Variants in KIF26B observed in about 807,000 individuals in gnomAD.
KIF26B encodes kinesin family member 26B.
Under a neutral mutation model 151.2 loss-of-function variants are expected in KIF26B, and 63 were observed. The observed-to-expected ratio is 0.42, with a 90% CI of 0.34 to 0.51. The LOEUF is 0.51. Ranked by LOEUF, KIF26B falls within the 20% of genes least tolerant of loss-of-function variation. The pLI, the probability that KIF26B is intolerant of heterozygous loss-of-function variation, is 0.07. For synonymous variants in KIF26B, 1,357 were observed against 1,262.1 expected (o/e 1.08, Z -1.59); for missense variants, 2,813 against 2,913.6 (o/e 0.97, Z 0.79).
intron 10 of KIF26B, among the ~76,000 whole-genome samples, chr1:245,670,834 C>A (rs940125525): frequency 6.6e-6 from 1 of 152,166 alleles, no homozygotes; most frequent in Non-Finnish European, 1.5e-5. Context: ...TCCCCTCAAG[C>A]ATTTATCCTT....
At position 245,611,776 on chromosome 1, in the gene KIF26B, T is replaced by C. The variant is rs753673469; in HGVS notation, c.1915-17T>C. 8 of 1,611,562 alleles carry C rather than the reference T, an allele frequency of 5.0e-6. No homozygotes were observed. Among genetic ancestry groups the C allele is most frequent in the Non-Finnish European group, 5.9e-6 (7 of 1,179,270 alleles). ...CTCCTCAGCCTGCAGCCTCATCTCT[T>C]GGCTTCTGTCTTCCAGCTGCAGAAC... On this transcript the variant is annotated splice_polypyrimidine_tract_variant and intron_variant, in intron 8 of 14. Transcript: ENST00000407071.
At chr1:245,387,395 C>T (rs1673577693) in intron 3 of KIF26B, among the ~76,000 whole-genome samples, 1 of 152,120 alleles carries the variant, frequency 6.6e-6, no homozygotes, top group African/African-American at 2.4e-5. Flanking sequence ...AAACTCTAAG[C>T]TCAGGTGATC....
intron 3 of KIF26B, among the ~76,000 whole-genome samples, chr1:245,406,764 G>C (rs925426092): frequency 6.6e-6 from 1 of 151,976 alleles, no homozygotes; most frequent in Non-Finnish European, 1.5e-5. Flanking sequence ...CAAAGGTTAG[G>C]TCTATTTTTT....
chr1:245,359,310 C>T (rs1396007291), intron 2 of KIF26B, among the ~76,000 whole-genome samples: 5 of 152,116 alleles, frequency 3.3e-5, no homozygotes, highest in East Asian at 1.9e-4. Flanking sequence ...TGAGCCACCG[C>T]GTCCAGGCCA....
rs181432579 is a variant in KIF26B, at chr1:245,681,431, G to A, written c.2259-2802G>A. 8.1e-3 allele frequency among the ~76,000 whole-genome samples: 1,230 copies of A among 152,186 alleles called. 8 individuals carry two copies. Among genetic ancestry groups the A allele is most frequent in the Middle Eastern group, 0.027 (8 of 294 alleles). On this transcript the variant is annotated intron_variant, in intron 10 of 14. Transcript: ENST00000407071. ...TCACCGTGTTAGCCAGGATGTTCTT[G>A]ATCTCCTGACCTCATGATCCACCCA...
chr1:245,396,962 CTT>C (rs551332249), intron 3 of KIF26B, among the ~76,000 whole-genome samples: 16 of 94,236 alleles, frequency 1.7e-4, no homozygotes, highest in African/African-American at 2.0e-4. Flanking sequence ...ATTTCTACTC[CTT>C]TTTTTTTTTT....
chr1:245,493,621 G>C (rs1660452057), intron 4 of KIF26B, among the ~76,000 whole-genome samples: 1 of 152,206 alleles, frequency 6.6e-6, no homozygotes, highest in Admixed American at 6.5e-5. Flanking sequence ...GGCCTCAGCT[G>C]ATGCTGTGCA....
intron 5 of KIF26B, among the ~76,000 whole-genome samples, chr1:245,583,804 T>C (rs964941014): frequency 2.6e-5 from 4 of 152,166 alleles, no homozygotes; most frequent in African/African-American, 9.7e-5. Flanking sequence ...AAGCATGACT[T>C]TGCATCTCCT....
At chr1:245,171,992 C>G (rs139320665) in intron 2 of KIF26B, among the ~76,000 whole-genome samples, 397 of 152,358 alleles carry the variant, frequency 2.6e-3, no homozygotes, top group Non-Finnish European at 5.0e-3. Flanking sequence ...GTAAAACTTA[C>G]ACTTTTAGAC....
intron 10 of KIF26B, among the ~76,000 whole-genome samples, chr1:245,681,821 A>T (rs2044443348): frequency 6.6e-6 from 1 of 152,248 alleles, no homozygotes; most frequent in African/African-American, 2.4e-5. Context: ...ACCAAATATA[A>T]TTCATTATTT....
intron 2 of KIF26B, among the ~76,000 whole-genome samples, chr1:245,338,362 A>G (rs1672274874): frequency 6.6e-6 from 1 of 152,180 alleles, no homozygotes; most frequent in Admixed American, 6.5e-5. Flanking sequence ...CGTGTTTCTG[A>G]TGGCAACTTC....
chr1:245,205,714 CTTTTTTTTTTTTTTT>C (rs1215304348), intron 2 of KIF26B, among the ~76,000 whole-genome samples: 1 of 140,188 alleles, frequency 7.1e-6, no homozygotes, highest in African/African-American at 2.7e-5. Context: ...CTTTTCTTTT[CTTTTTTTTTTTTTTT>C]AGACATAGGG....
At position 245,479,846 on chromosome 1, in the gene KIF26B, A is replaced by G. The variant is rs114643367; in HGVS notation, c.1166+60101A>G. Among the ~76,000 whole-genome samples, 286 of 151,994 alleles carry G rather than the reference A, an allele frequency of 1.9e-3. 1 individual carries two copies. Among genetic ancestry groups the G allele is most frequent in the African/African-American group, 6.5e-3 (272 of 41,552 alleles). On this transcript the variant is annotated intron_variant, in intron 4 of 14. Coordinates refer to ENST00000407071, the MANE Select transcript of KIF26B (RefSeq NM_018012.4). The stretch of plus-strand genomic sequence containing the variant: ...AGAAGACCAAGGGGAGAGAGTAGAA[A>G]GGATACTCAAATATTTGAAAGGACA...
intron 2 of KIF26B, among the ~76,000 whole-genome samples, chr1:245,159,377 CACT>C (rs1456151450): frequency 6.6e-6 from 1 of 152,146 alleles, no homozygotes; most frequent in Non-Finnish European, 1.5e-5. Flanking sequence ...TCTTCTTCAC[CACT>C]GATTTACTTT....
intron 2 of KIF26B, among the ~76,000 whole-genome samples, chr1:245,353,347 G>A (rs1672611656): frequency 6.6e-6 from 1 of 152,196 alleles, no homozygotes; most frequent in Non-Finnish European, 1.5e-5. Context: ...TTGCTCAGAC[G>A]CTCAAGATGT....
chr1:245,342,349 A>G (rs1672351580), intron 2 of KIF26B, among the ~76,000 whole-genome samples: 1 of 152,196 alleles, frequency 6.6e-6, no homozygotes, highest in South Asian at 2.1e-4. Context: ...AAGTGCAGAG[A>G]CAGTCTTCAG....
chr1:245,471,847 A>C (rs1002456992), intron 4 of KIF26B, among the ~76,000 whole-genome samples: 2 of 151,476 alleles, frequency 1.3e-5, no homozygotes, highest in African/African-American at 2.4e-5. Context: ...GCTGGAGTGC[A>C]ATGGCACGAT....
intron 2 of KIF26B, among the ~76,000 whole-genome samples, chr1:245,220,894 C>T (rs1669753305): frequency 1.3e-5 from 2 of 152,140 alleles, no homozygotes; most frequent in African/African-American, 4.8e-5. Context: ...CCACTGTCCT[C>T]AGTTTTATCT....
At chr1:245,413,620 A>G (rs1416378522) in intron 3 of KIF26B, among the ~76,000 whole-genome samples, 1 of 152,170 alleles carries the variant, frequency 6.6e-6, no homozygotes, top group Admixed American at 6.5e-5. Flanking sequence ...CCGAGATTGC[A>G]CCACTGCACT....
Sources: gnomAD v4.1 joint callset for allele counts (sites outside exome capture counted in the v4.1 genomes callset) on GRCh38, gnomAD v4.1.1 for gene constraint, MANE v1.5 for transcripts, NCBI Gene and HGNC (gene_info 2026-07-23, HGNC 2026-07-21) for gene names.